CEP164: variants seen among roughly 807,000 people sequenced by gnomAD.
CEP164 encodes centrosomal protein 164.
Under a neutral mutation model 182.7 loss-of-function variants are expected in CEP164, and 162 were observed. The ratio of observed to expected loss-of-function variants is 0.89; its 90% CI spans 0.78 to 1.01. The LOEUF is 1.01. CEP164 is among the 50% of genes least tolerant of loss of function. The pLI is 0.00. For missense variants in CEP164, 1,735 were observed against 1,790.4 expected, an observed-to-expected ratio of 0.97 and a Z score of 0.56; for synonymous variants, 661 against 690.0, an observed-to-expected ratio of 0.96 and a Z score of 0.66.
rs538942131 is a variant in CEP164 at position 117,344,084 on chromosome 11, A to G, written c.83-82A>G. The stretch of plus-strand genomic sequence containing the variant: ...ATACGATTTTCTCATTGATGGAGAG[A>G]AAAGACAAAGTAGAAAAAAGATTGT... On this transcript the variant is annotated intron_variant, in intron 3 of 32. Coordinates refer to ENST00000278935, the MANE Select transcript of CEP164 (RefSeq NM_014956.5). The G allele has an allele frequency of 1.2e-5, 9 of 740,802 alleles. No homozygotes were observed. In the Admixed American group the frequency reaches 1.6e-4, roughly 13 times the overall value. 45.9% of individuals were successfully genotyped at this position (740,802 alleles called of 1,614,324 possible).
intron 5 of CEP164, chr11:117,355,086 TGG>T (rs1565464753): frequency 7.8e-7 from 1 of 1,289,820 alleles, no homozygotes; most frequent in Admixed American, 2.3e-5. Flanking sequence ...CCAGGCATGC[TGG>T]GTGACACTCC....
chr11:117,410,327 AG>A (rs1425583487), intron 30 of CEP164: 3 of 376,848 alleles, frequency 8.0e-6, no homozygotes, highest in Non-Finnish European at 1.5e-5. Context: ...TGGGCCAAGC[AG>A]TTTATATATA....
chr11:117,352,293 T>TA (rs1306461964), intron 5 of CEP164, among the ~76,000 whole-genome samples: 1 of 152,158 alleles, frequency 6.6e-6, no homozygotes, highest in African/African-American at 2.4e-5. Flanking sequence ...GTAGTAGCAG[T>TA]AATGGCATCT....
At chr11:117,328,501 C>G (rs2035670080) in intron 1 of CEP164, among the ~76,000 whole-genome samples, 1 of 152,218 alleles carries the variant, frequency 6.6e-6, no homozygotes, top group Non-Finnish European at 1.5e-5. Flanking sequence ...GACTCCCTGT[C>G]CGTTCTCCTA....
At chr11:117,362,794 G>C (rs1179743269) in intron 7 of CEP164, among the ~76,000 whole-genome samples, 2 of 151,950 alleles carry the variant, frequency 1.3e-5, no homozygotes, top group Non-Finnish European at 2.9e-5. Flanking sequence ...AATAGAAACT[G>C]TGTACCTATT....
In CEP164 at chr11:117,409,704, C is replaced by T. The variant is rs1266857920; in HGVS notation, c.3835C>T (p.Leu1279Phe). ...RQISSQLSSV[L>F]SILDSLNPQS... ...GATCAGCAGCCAGCTGAGCAGTGTC[C>T]TCAGCATCCTGGACAGCCTCAACCC... The change falls in exon 30 of 33, where the codon CTC (leucine) becomes TTC (phenylalanine). Residue 1279 changes from leucine to phenylalanine, a missense_variant. By Grantham distance (22) the Leu-to-Phe change is conservative. Coordinates refer to ENST00000278935, the MANE Select transcript of CEP164 (RefSeq NM_014956.5). The surrounding 1 kb of genome is among the most constrained non-coding windows in gnomAD (Gnocchi z 4.4). The T allele has an allele frequency of 6.2e-6, 10 of 1,614,070 alleles. No individual in the cohort carries two copies. The highest frequency in any genetic ancestry group is 6.8e-6 in the Non-Finnish European group (8 of 1,180,030).
chr11:117,349,949 A>G lies in CEP164; in HGVS notation c.195-1841A>G, dbSNP rs561054936. 1.7e-3 allele frequency among the ~76,000 whole-genome samples: 256 copies of G among 151,720 alleles called. 1 individual carries two copies. Among genetic ancestry groups the G allele is most frequent in the African/African-American group, 5.7e-3 (237 of 41,320 alleles). ...GCCACCATGCCTGGCTAATTTTTGT[A>G]TTTTTAGTAGAGACGGAGTTTCACC... On this transcript the variant is annotated intron_variant, in intron 4 of 32. Coordinates refer to ENST00000278935, the MANE Select transcript of CEP164 (RefSeq NM_014956.5).
At position 117,410,860 on chromosome 11, in the gene CEP164, C is replaced by T. The variant is rs1360360360; in HGVS notation, c.4129C>T (p.Pro1377Ser). 1 of 1,613,408 alleles carries T rather than the reference C, an allele frequency of 6.2e-7. No homozygotes were observed. Among genetic ancestry groups the T allele is most frequent in the Admixed American group, 1.7e-5 (1 of 59,978 alleles). ...CCCGCTGCTCAGCAACAGCCCCACC[C>T]CGCTGGAGAGCAGGCTGGGTTACAT... The part of the protein sequence containing the change: ...GIPLLSNSPT[P>S]LESRLGYMSA... The change falls in exon 31 of 33, where the codon CCG (proline) becomes TCG (serine). Residue 1377 changes from proline (P) to serine (S), a missense_variant. Pro to Ser is a moderately conservative substitution (Grantham distance 74). Transcript: ENST00000278935.
chr11:117,408,610 G>T, intron 28 of CEP164: 1 of 436,210 alleles, frequency 2.3e-6, no homozygotes, highest in Admixed American at 3.5e-5. Flanking sequence ...AGGGTACCTG[G>T]TGGAACTCTG....
chr11:117,396,305 G>C, intron 25 of CEP164, 125 bp downstream of exon 25: 2 of 1,152,876 alleles, frequency 1.7e-6, no homozygotes, highest in East Asian at 4.8e-5. Context: ...GCCTCAGGAG[G>C]GGAGGAGTAT....
intron 23 of CEP164, 86 bp from the exon 24 acceptor site, chr11:117,395,461 T>C (rs572463269): frequency 7.0e-7 from 1 of 1,419,604 alleles, no homozygotes; most frequent in Non-Finnish European, 9.5e-7. Flanking sequence ...TGTCCTCCTT[T>C]GGCTTCCCTA....
chr11:117,390,034 C>T (rs201595168), intron 15 of CEP164, among the ~76,000 whole-genome samples: 92 of 151,334 alleles, frequency 6.1e-4, no homozygotes, highest in East Asian at 3.7e-3. Flanking sequence ...CCTCTGCCTC[C>T]CAGGTTCCAG....
chr11:117,392,982 A>G, intron 19 of CEP164, 22 bp from the exon 20 acceptor site: 1 of 1,612,068 alleles, frequency 6.2e-7, no homozygotes, highest in Non-Finnish European at 8.5e-7. Flanking sequence ...TTCATGCCAC[A>G]TCCCTGCCAT....
At chr11:117,321,880 A>T (rs78023326) in intron 1 of CEP164, among the ~76,000 whole-genome samples, 1 of 137,640 alleles carries the variant, frequency 7.3e-6, no homozygotes, top group Non-Finnish European at 1.6e-5. Flanking sequence ...GTTTTTTTTT[A>T]AGAGATTGGG....
In CEP164 at chr11:117,382,908, G is replaced by A; in HGVS notation, c.1690G>A (p.Ala564Thr). 1 of 1,612,938 alleles carries A rather than the reference G, an allele frequency of 6.2e-7. No homozygotes were observed. Among genetic ancestry groups the A allele is most frequent in the Middle Eastern group, 1.8e-4 (1 of 5,612 alleles). Reference sequence around the variant, plus strand: ...GGCAGAGGATCCTGAGGAGAAGGTGGCGGTCAGCCCCACCCCGCCAGTCTC... The same window carrying A: ...GGCAGAGGATCCTGAGGAGAAGGTGACGGTCAGCCCCACCCCGCCAGTCTC... The part of the protein sequence containing the change: ...EEAEDPEEKV[A>T]VSPTPPVSPE... The change falls in exon 14 of 33, where the codon GCG becomes ACG. Residue 564 changes from alanine (A) to threonine (T), a missense_variant. Transcript: ENST00000278935.
chr11:117,401,770 G>A (rs2046168744), intron 27 of CEP164, among the ~76,000 whole-genome samples: 1 of 152,188 alleles, frequency 6.6e-6, no homozygotes, highest in Non-Finnish European at 1.5e-5. Context: ...GCATACAAGT[G>A]TGTATAGTAT....
At position 117,362,511 on chromosome 11, in the gene CEP164, G is replaced by A. The variant is rs1238196048; in HGVS notation, c.660G>A (p.Glu220=). 1 of 1,613,498 alleles carries A rather than the reference G, an allele frequency of 6.2e-7. No individual in the cohort carries two copies. The highest frequency in any genetic ancestry group is 8.5e-7 in the Non-Finnish European group (1 of 1,179,960). ...TGGGTTTAGGAGAAGAAACCAATGA[G>A]GAGGATGAGGAGGAAAGTGACAACC... ...SLLGLGEETN[E]EDEEESDNQS... Residue 220 remains glutamate, a synonymous_variant, in exon 7 of 33, where the codon GAG becomes GAA. Transcript: ENST00000278935.
At chr11:117,369,608 T>C (rs1016906039) in intron 8 of CEP164, among the ~76,000 whole-genome samples, 2 of 152,174 alleles carry the variant, frequency 1.3e-5, no homozygotes, top group African/African-American at 4.8e-5. Context: ...CTCTCCACTC[T>C]CTAGTCATCA....
chr11:117,353,217 T>C (rs1264536421), intron 5 of CEP164, among the ~76,000 whole-genome samples: 1 of 152,182 alleles, frequency 6.6e-6, no homozygotes, highest in Admixed American at 6.5e-5. Context: ...TTGTTTATAG[T>C]TTTTGTTTCC....
Sources: gnomAD v4.1 joint callset for allele counts (sites outside exome capture counted in the v4.1 genomes callset) on GRCh38, gnomAD v4.1.1 for gene constraint, Gnocchi (gnomAD v3.1) non-coding constraint, MANE v1.5 for transcripts, NCBI Gene and HGNC (gene_info 2026-07-23, HGNC 2026-07-21) for gene names.